The following SIRT4 variants were observed in gnomAD, a reference collection of about 807,000 sequenced individuals.
SIRT4 encodes the protein NAD-dependent protein lipoamidase sirtuin-4, mitochondrial.
SIRT4 carries 23 observed loss-of-function variants against 26.1 expected under a neutral mutation model. That is an observed-to-expected ratio of 0.88 (90% confidence interval 0.63 to 1.25). The LOEUF is 1.25. SIRT4 is among the 50% of genes most tolerant of loss of function. The pLI, the probability that SIRT4 is intolerant of heterozygous loss-of-function variation, is 0.00. For synonymous variants in SIRT4, 155 were observed against 158.4 expected (o/e 0.98, Z 0.16); for missense variants, 361 against 405.4 (o/e 0.89, Z 0.94).
the SIRT4 span, chr12:120,293,195 C>A: frequency 6.6e-6 from 1 of 152,148 alleles, no homozygotes; most frequent in Non-Finnish European, 1.5e-5. Context: ...AATCGCGCCT[C>A]GGATAGACCT....
the SIRT4 span, among the ~76,000 whole-genome samples, chr12:120,297,291 T>C: frequency 0.89 from 118,360 of 133,346 alleles, 52,583 homozygotes; most frequent in East Asian, 0.98. Flanking sequence ...TAATGGGGCT[T>C]GGTGTGGTGG....
At position 120,312,614 on chromosome 12, in the gene SIRT4, C is replaced by T. The variant is rs1873030500; in HGVS notation, c.656C>T (p.Thr219Ile). The T allele has an allele frequency of 6.2e-7, 1 of 1,614,182 alleles. No individual in the cohort carries two copies. The change falls in exon 3 of 4, where the codon ACC becomes ATC. Residue 219 changes from threonine to isoleucine, a missense_variant. Physicochemically the swap from Thr to Ile is moderately conservative, Grantham distance 89. Coordinates refer to ENST00000202967, the MANE Select transcript of SIRT4 (RefSeq NM_012240.3). ...CAAGTCCGGAGCTTTCAGGTCCCAA[C>T]CTGCGTTCAATGTGGAGGCCATCTG... ...EEQVRSFQVP[T>I]CVQCGGHLKP...
chr12:120,303,862 A>G lies in SIRT4; in HGVS notation c.301A>G (p.Ile101Val), dbSNP rs371691236. ...TGGTGATTTTGTCCGGAGTGCCCCA[A>G]TCCGCCAGCGGTACTGGGCGAGAAA... ...QHGDFVRSAP[I>V]RQRYWARNFV... Residue 101 changes from isoleucine to valine, a missense_variant, in exon 2 of 4, where the codon ATC becomes GTC. Coordinates refer to ENST00000202967, the MANE Select transcript of SIRT4 (RefSeq NM_012240.3). 5 of 1,614,128 alleles carry G rather than the reference A, an allele frequency of 3.1e-6. No homozygotes were observed. The highest frequency in any genetic ancestry group is 3.4e-6 in the Non-Finnish European group (4 of 1,180,004).
upstream of SIRT4, among the ~76,000 whole-genome samples, chr12:120,298,701 G>C (rs1441894606): frequency 6.6e-6 from 1 of 151,210 alleles, no homozygotes; most frequent in African/African-American, 2.4e-5. Context: ...GAGGTCAGGA[G>C]TTCGAGACCA....
chr12:120,305,242 C>CGTGTGTGTGT (rs34827089), intron 2 of SIRT4, among the ~76,000 whole-genome samples: 1 of 147,696 alleles, frequency 6.8e-6, no homozygotes, highest in Admixed American at 6.8e-5. Context: ...TGTGTGTGCA[C>CGTGTGTGTGT]GTGTGTGTGT....
intron 2 of SIRT4, among the ~76,000 whole-genome samples, chr12:120,307,022 C>A (rs1872768040): frequency 6.6e-6 from 1 of 152,096 alleles, no homozygotes; most frequent in Non-Finnish European, 1.5e-5. Context: ...ATGGGTCTGG[C>A]AATAATTGTA....
chr12:120,294,449 G>GTGA, the SIRT4 span, among the ~76,000 whole-genome samples: 1 of 151,700 alleles, frequency 6.6e-6, no homozygotes, highest in African/African-American at 2.4e-5. Flanking sequence ...TAGACACGGG[G>GTGA]TTTCACCATG....
chr12:120,296,297 G>A, the SIRT4 span, among the ~76,000 whole-genome samples: 10 of 150,808 alleles, frequency 6.6e-5, no homozygotes, highest in Admixed American at 1.3e-4. Flanking sequence ...GGCTCACTGC[G>A]AGCTCCGCCT....
chr12:120,297,307 G>T, the SIRT4 span, among the ~76,000 whole-genome samples: 2 of 96,408 alleles, frequency 2.1e-5, no homozygotes, highest in African/African-American at 4.1e-5. Flanking sequence ...GGTGGCTCAC[G>T]CCTGTAATCA....
At position 120,312,717 on chromosome 12, in the gene SIRT4, C is replaced by T. The variant is rs200403847; in HGVS notation, c.759C>T (p.Ala253=). The T allele has an allele frequency of 8.7e-6, 14 of 1,613,742 alleles. No homozygotes were observed. The East Asian group carries it at 1.6e-4, about 18-fold the overall frequency. The stretch of plus-strand genomic sequence containing the variant: ...TTGTGCACAAGCGTGTAAAAGAAGC[C>T]GACTCCCTCTTGGTGGTGGGATCAT... The part of the protein sequence containing the change: ...VDFVHKRVKE[A]DSLLVVGSSL... Residue 253 remains alanine (A), a synonymous_variant, in exon 3 of 4, where the codon GCC becomes GCT. Coordinates refer to ENST00000202967, the MANE Select transcript of SIRT4 (RefSeq NM_012240.3).
chr12:120,293,277 G>C, the SIRT4 span: 1 of 152,186 alleles, frequency 6.6e-6, no homozygotes, highest in African/African-American at 2.4e-5. Flanking sequence ...CAATAAACCA[G>C]CTTCCTATTT....
intron 2 of SIRT4, among the ~76,000 whole-genome samples, chr12:120,306,480 C>CAA (rs34919389): frequency 3.3e-4 from 45 of 137,856 alleles, no homozygotes; most frequent in Non-Finnish European, 5.9e-4. Context: ...AAAACTCCGT[C>CAA]AAAAAAAAAA....
At chr12:120,312,404 C>T in intron 2 of SIRT4, 52 bp from the exon 3 acceptor site, 2 of 1,524,094 alleles carry the variant, frequency 1.3e-6, no homozygotes, top group Admixed American at 2.1e-5. Flanking sequence ...TCTCTGACAG[C>T]TTTGTGCCTC....
intron 2 of SIRT4, among the ~76,000 whole-genome samples, chr12:120,307,444 G>A (rs1033691959): frequency 3.3e-5 from 5 of 152,092 alleles, no homozygotes; most frequent in Admixed American, 6.6e-5. Flanking sequence ...AGCCAAGATC[G>A]TGCCATTGCA....
rs763098968 is a variant in SIRT4, at chr12:120,312,554, TG to T, written c.598del (p.Ala200LeufsTer28). 24 of 1,614,070 alleles carry T rather than the reference TG, an allele frequency of 1.5e-5. No individual in the cohort carries two copies. In the African/African-American group the frequency reaches 2.9e-4, roughly 20 times the overall value. On this transcript the variant is annotated frameshift_variant, in exon 3 of 4. Transcript: ENST00000202967. LOFTEE classifies it high-confidence loss of function. ...NPTWSAEAHG[L>X]APDGDVFLSE... Reference sequence around the variant, plus strand: ...ACCTGGAGTGCTGAGGCCCATGGCCTGGCTCCTGATGGTGACGTCTTTCTCT... The same window carrying T: ...ACCTGGAGTGCTGAGGCCCATGGCCTGCTCCTGATGGTGACGTCTTTCTCT...
At chr12:120,311,591 C>T (rs964119199) in intron 2 of SIRT4, among the ~76,000 whole-genome samples, 4 of 150,506 alleles carry the variant, frequency 2.7e-5, no homozygotes, top group African/African-American at 2.4e-5. Context: ...AAAAATTAGT[C>T]GGGTGTGGTA....
chr12:120,308,029 T>G (rs1249642959), intron 2 of SIRT4, among the ~76,000 whole-genome samples: 1 of 152,116 alleles, frequency 6.6e-6, no homozygotes, highest in African/African-American at 2.4e-5. Context: ...AAAAAATTTT[T>G]TTTTTTAAAT....
upstream of SIRT4, among the ~76,000 whole-genome samples, chr12:120,299,885 A>G (rs2136823258): frequency 6.6e-6 from 1 of 152,204 alleles, no homozygotes; most frequent in East Asian, 1.9e-4. Context: ...GACTTGGAAG[A>G]GACATGGAGG....
At chr12:120,304,462 C>T (rs914307830) in intron 2 of SIRT4, among the ~76,000 whole-genome samples, 2 of 151,750 alleles carry the variant, frequency 1.3e-5, no homozygotes, top group East Asian at 3.9e-4. Flanking sequence ...CCAGCCTGGC[C>T]AACATGGTGA....
Sources: allele counts gnomAD v4.1 joint callset (sites outside exome capture counted in the v4.1 genomes callset), GRCh38; gene constraint gnomAD v4.1.1; transcripts MANE v1.5; gene names NCBI Gene and HGNC (gene_info 2026-07-23, HGNC 2026-07-21).